The following PPP4R4 variants were observed in gnomAD, a reference collection of about 807,000 sequenced individuals.
PPP4R4 encodes protein phosphatase 4 regulatory subunit 4, also known as serine/threonine-protein phosphatase 4 regulatory subunit 4.
PPP4R4 carries 70 observed loss-of-function variants against 121.8 expected under a neutral mutation model. The ratio of observed to expected loss-of-function variants is 0.57; its 90% CI spans 0.47 to 0.70. The LOEUF is 0.70. PPP4R4 is among the 30% of genes least tolerant of loss of function. The pLI is 0.00. For missense variants in PPP4R4, 875 were observed against 1,033.6 expected (o/e 0.85, Z 2.10); for synonymous variants, 348 against 355.7 (o/e 0.98, Z 0.24).
intron 3 of PPP4R4, among the ~76,000 whole-genome samples, chr14:94,221,232 A>T (rs1891372655): frequency 6.6e-6 from 1 of 152,140 alleles, no homozygotes. Flanking sequence ...TAGATCATAG[A>T]CCTAAATGTT....
At chr14:94,265,273 G>T (rs1893979721) in intron 20 of PPP4R4, 114 bp from the exon 21 acceptor site, 1 of 733,778 alleles carries the variant, frequency 1.4e-6, no homozygotes, top group African/African-American at 1.8e-5. Flanking sequence ...ATTTGGAAAA[G>T]AAAGCTGCTT....
intron 5 of PPP4R4, 47 bp downstream of exon 5, chr14:94,231,362 G>T: frequency 6.9e-7 from 1 of 1,456,354 alleles, no homozygotes; most frequent in Non-Finnish European, 9.4e-7. Context: ...TCACTCTAAG[G>T]TTTTTTTTTA....
chr14:94,174,382 C>G lies in PPP4R4; in HGVS notation c.-84C>G. The G allele has an allele frequency of 1.6e-6, 2 of 1,230,918 alleles. No homozygotes were observed. Among genetic ancestry groups the G allele is most frequent in the Non-Finnish European group, 2.1e-6 (2 of 958,996 alleles). The allele number at this position is 1,230,918 out of a possible 1,614,324, so 76.2% of individuals were successfully genotyped here. On this transcript the variant is annotated 5_prime_UTR_variant, in exon 1 of 25. Transcript: ENST00000304338. ...CCAGCGGCCAAGAGCCGGAGAAAGT[C>G]CTGCTGGTGGGCGGCCGCGGGGCTG...
At chr14:94,233,439 CTAAT>C (rs1892160769) in intron 5 of PPP4R4, among the ~76,000 whole-genome samples, 2 of 152,184 alleles carry the variant, frequency 1.3e-5, no homozygotes, top group Non-Finnish European at 1.5e-5. Context: ...CAGTTTTTTC[CTAAT>C]TGTTTTAATT....
At chr14:94,205,091 C>T (rs1348056251) in intron 2 of PPP4R4, among the ~76,000 whole-genome samples, 3 of 152,124 alleles carry the variant, frequency 2.0e-5, no homozygotes, top group African/African-American at 7.2e-5. Flanking sequence ...GAAGTGCCAC[C>T]TCCTCTTCTC....
intron 2 of PPP4R4, among the ~76,000 whole-genome samples, chr14:94,200,288 G>A (rs191605007): frequency 1.8e-4 from 27 of 152,208 alleles, no homozygotes; most frequent in Middle Eastern, 3.4e-3. Flanking sequence ...TGTTGTTTGT[G>A]AATAAAGATA....
chr14:94,231,122 A>G (rs1047447188), intron 4 of PPP4R4, 120 bp from the exon 5 acceptor site: 3 of 738,836 alleles, frequency 4.1e-6, no homozygotes, highest in Non-Finnish European at 6.3e-6. Flanking sequence ...TTTTTAGAAT[A>G]GTAATGAAAA....
chr14:94,259,323 T>G lies in PPP4R4; in HGVS notation c.2081T>G (p.Leu694Trp). 1 of 1,609,536 alleles carries G rather than the reference T, an allele frequency of 6.2e-7. No homozygotes were observed. Among genetic ancestry groups the G allele is most frequent in the Non-Finnish European group, 8.5e-7 (1 of 1,178,702 alleles). ...CAGAAAAAGTTTTATGAGAAAGATT[T>G]GTTGGATCAAGAGAAAGAAAGAGAA... ...AFQKKFYEKD[L>W]LDQEKEREEL... The change falls in exon 19 of 25, where the codon TTG (leucine) becomes TGG (tryptophan). Residue 694 changes from leucine (L) to tryptophan (W), a missense_variant. By Grantham distance (61) the Leu-to-Trp change is moderately conservative. Transcript: ENST00000304338.
intron 23 of PPP4R4, among the ~76,000 whole-genome samples, chr14:94,271,898 G>T (rs1443536455): frequency 6.6e-6 from 1 of 152,060 alleles, no homozygotes; most frequent in African/African-American, 2.4e-5. Context: ...AAAATTAAAA[G>T]CAAAATACCA....
intron 23 of PPP4R4, among the ~76,000 whole-genome samples, chr14:94,268,647 T>G (rs1318082924): frequency 6.6e-6 from 1 of 152,172 alleles, no homozygotes; most frequent in Non-Finnish European, 1.5e-5. Context: ...TCCACACGGC[T>G]GGGGAGGCCT....
chr14:94,271,558 T>C (rs1378280945), intron 23 of PPP4R4, among the ~76,000 whole-genome samples: 1 of 152,128 alleles, frequency 6.6e-6, no homozygotes, highest in African/African-American at 2.4e-5. Context: ...AACATCACAG[T>C]AGTGAGGAAC....
intron 8 of PPP4R4, 96 bp from the exon 9 acceptor site, chr14:94,240,577 A>G (rs371298371): frequency 9.8e-6 from 13 of 1,322,526 alleles, no homozygotes; most frequent in South Asian, 8.5e-5. Flanking sequence ...CTAACATAGT[A>G]ATTTTTCTTT....
intron 23 of PPP4R4, among the ~76,000 whole-genome samples, chr14:94,270,879 G>T (rs1161962229): frequency 6.7e-6 from 1 of 149,488 alleles, no homozygotes; most frequent in Non-Finnish European, 1.5e-5. Context: ...GATCATGCCA[G>T]TGCACTTCAG....
chr14:94,193,910 T>C (rs1218563252), intron 2 of PPP4R4, among the ~76,000 whole-genome samples: 1 of 152,186 alleles, frequency 6.6e-6, no homozygotes, highest in Non-Finnish European at 1.5e-5. Flanking sequence ...CATTGGGGAA[T>C]GTCACATTTG....
intron 2 of PPP4R4, among the ~76,000 whole-genome samples, chr14:94,207,955 A>G (rs1425694868): frequency 6.6e-6 from 1 of 151,928 alleles, no homozygotes; most frequent in African/African-American, 2.4e-5. Context: ...TGTATCTTTA[A>G]GAAGTTTCTG....
Position 94,230,745 on chromosome 14 carries a change from T to C in PPP4R4, c.442+11T>C, listed in dbSNP as rs1361096174. On this transcript the variant is annotated intron_variant, in intron 4 of 24. Transcript: ENST00000304338. Reference sequence around the variant, plus strand: ...AGCACAGGGACACAGGTCAGGGGCCTGGCATGCTTAATTATATACTTGTTT... The same window carrying C: ...AGCACAGGGACACAGGTCAGGGGCCCGGCATGCTTAATTATATACTTGTTT... 5 of 1,602,082 alleles carry C rather than the reference T, an allele frequency of 3.1e-6. No individual in the cohort carries two copies. The highest frequency in any genetic ancestry group is 4.3e-6 in the Non-Finnish European group (5 of 1,174,076).
At chr14:94,214,517 A>C (rs1323852147) in intron 3 of PPP4R4, among the ~76,000 whole-genome samples, 1 of 126,890 alleles carries the variant, frequency 7.9e-6, no homozygotes, top group African/African-American at 3.5e-5. Flanking sequence ...ACAAAAAAAA[A>C]ACAGAAAAAA....
At chr14:94,267,707 A>G (rs1338275852) in intron 23 of PPP4R4, among the ~76,000 whole-genome samples, 1 of 152,148 alleles carries the variant, frequency 6.6e-6, no homozygotes, top group Non-Finnish European at 1.5e-5. Context: ...TTTTAACTTT[A>G]TGCTTTGGAG....
intron 3 of PPP4R4, among the ~76,000 whole-genome samples, chr14:94,229,536 G>A (rs1281412562): frequency 2.6e-5 from 4 of 152,112 alleles, no homozygotes; most frequent in African/African-American, 9.7e-5. Flanking sequence ...GAAGACAGTG[G>A]ATATACAATA....
Sources: gnomAD v4.1 joint callset for allele counts (sites outside exome capture counted in the v4.1 genomes callset) on GRCh38, gnomAD v4.1.1 for gene constraint, MANE v1.5 for transcripts, NCBI Gene and HGNC (gene_info 2026-07-23, HGNC 2026-07-21) for gene names.